MNAT1: variants seen among roughly 807,000 people sequenced by gnomAD.
The protein encoded by MNAT1 is MNAT1 component of CDK activating kinase, also known as CDK-activating kinase assembly factor MAT1.
MNAT1 carries 43 observed loss-of-function variants against 42.0 expected under a neutral mutation model. That is an observed-to-expected ratio of 1.02 (90% CI 0.80 to 1.32). The LOEUF is 1.32. Ranked by LOEUF, MNAT1 falls within the 40% of genes most tolerant of loss-of-function variation. The pLI is 0.00. For synonymous variants in MNAT1, 118 were observed against 120.0 expected (o/e 0.98, Z 0.11); for missense variants, 306 against 350.4 (o/e 0.87, Z 1.01).
rs925999219 is a variant in MNAT1 at position 60,860,445 on chromosome 14, C to T, written c.688-19269C>T. Among the ~76,000 whole-genome samples, 3 of 151,100 alleles carry T rather than the reference C, an allele frequency of 2.0e-5. No homozygotes were observed. The South Asian group carries it at 6.3e-4, about 32-fold the overall frequency. ...TCTGCTCACTGCAAGCTCCCCATCC[C>T]AGGTTCACGCCATTCTCTTGTCTCA... On this transcript the variant is annotated intron_variant, in intron 6 of 7. Coordinates refer to ENST00000261245, the MANE Select transcript of MNAT1 (RefSeq NM_002431.4).
At chr14:60,752,479 A>G (rs7143411) in intron 1 of MNAT1, among the ~76,000 whole-genome samples, 2,339 of 152,348 alleles carry the variant, frequency 0.015, 46 homozygotes, top group African/African-American at 0.048. Context: ...AAAATTATAC[A>G]TAATACTTTC....
intron 7 of MNAT1, among the ~76,000 whole-genome samples, chr14:60,883,474 C>T (rs2034594774): frequency 6.6e-6 from 1 of 152,012 alleles, no homozygotes; most frequent in Non-Finnish European, 1.5e-5. Flanking sequence ...ATTTTAGTTA[C>T]TATAGCTCTG....
In MNAT1 at chr14:60,824,353, G is replaced by C. The variant is rs2032991202; in HGVS notation, c.687+5506G>C. Among the ~76,000 whole-genome samples the C allele has an allele frequency of 2.0e-5, 3 of 152,036 alleles. No homozygotes were observed. The South Asian group carries it at 6.2e-4, about 32-fold the overall frequency. ...TTGTCATATGTGTACTAGCTATTAG[G>C]TTATAAACATCTTGAGGGCAGAGGC... On this transcript the variant is annotated intron_variant, in intron 6 of 7. Coordinates refer to ENST00000261245, the MANE Select transcript of MNAT1 (RefSeq NM_002431.4).
chr14:60,835,416 G>C (rs1480667140), intron 6 of MNAT1, among the ~76,000 whole-genome samples: 1 of 152,140 alleles, frequency 6.6e-6, no homozygotes, highest in African/African-American at 2.4e-5. Flanking sequence ...TCCTTCAGGA[G>C]CTCTTGTAAG....
chr14:60,746,897 C>CATATATGTATATATATATATAT (rs1491444247), intron 1 of MNAT1, among the ~76,000 whole-genome samples: 1 of 21,966 alleles, frequency 4.6e-5, no homozygotes, highest in African/African-American at 3.2e-4. Context: ...AGATTCATTT[C>CATATATGTATATATATATATAT]ATATATATAT....
At chr14:60,859,988 T>C (rs1281895091) in intron 6 of MNAT1, among the ~76,000 whole-genome samples, 1 of 152,238 alleles carries the variant, frequency 6.6e-6, no homozygotes, top group Non-Finnish European at 1.5e-5. Flanking sequence ...TAGGCTTAAC[T>C]TTAAGAAAGA....
intron 7 of MNAT1, among the ~76,000 whole-genome samples, chr14:60,900,999 G>A (rs576670454): frequency 1.8e-3 from 185 of 100,310 alleles, no homozygotes; most frequent in African/African-American, 6.3e-3. Flanking sequence ...ATGTGATACA[G>A]TGAGAGCCTG....
At chr14:60,923,839 G>T (rs1323914754) in intron 7 of MNAT1, among the ~76,000 whole-genome samples, 2 of 152,144 alleles carry the variant, frequency 1.3e-5, no homozygotes, top group Admixed American at 6.5e-5. Context: ...AATTAGCCAG[G>T]TGTGGTGGTG....
chr14:60,813,753 T>C (rs959355744), intron 5 of MNAT1, among the ~76,000 whole-genome samples: 3 of 152,214 alleles, frequency 2.0e-5, no homozygotes, highest in Non-Finnish European at 2.9e-5. Context: ...ATAAGAATTA[T>C]GAAAATGACT....
At chr14:60,814,822 G>A (rs1048695399) in intron 5 of MNAT1, among the ~76,000 whole-genome samples, 6 of 152,150 alleles carry the variant, frequency 3.9e-5, no homozygotes, top group Admixed American at 1.3e-4. Context: ...GCCTTCCCTA[G>A]CAACTTTCAT....
intron 6 of MNAT1, among the ~76,000 whole-genome samples, chr14:60,831,530 G>A (rs1440106928): frequency 3.9e-5 from 6 of 152,150 alleles, no homozygotes; most frequent in Admixed American, 1.3e-4. Context: ...TGGCTACATA[G>A]TATTCCATGG....
chr14:60,919,006 G>T (rs1223247401), intron 7 of MNAT1, among the ~76,000 whole-genome samples: 1 of 152,066 alleles, frequency 6.6e-6, no homozygotes, highest in Non-Finnish European at 1.5e-5. Flanking sequence ...AGAAGGCAGA[G>T]AGATGGTGCT....
chr14:60,879,835 G>A lies in MNAT1; in HGVS notation c.809G>A (p.Gly270Glu), dbSNP rs2034513692. Residue 270 changes from glycine to glutamate, a missense_variant and splice_region_variant, in exon 7 of 8, where the codon GGG (glycine) becomes GAG (glutamate). Coordinates refer to ENST00000261245, the MANE Select transcript of MNAT1 (RefSeq NM_002431.4). ...VPELEMLGRLGYLNHVRAASP... is the reference protein window; with the variant it reads ...VPELEMLGRLEYLNHVRAASP... Reference sequence around the variant, plus strand: ...GAGCTTGAGATGCTAGGAAGACTTGGGTATGTGTCCTAAAGAACTTTACAT... The same window carrying A: ...GAGCTTGAGATGCTAGGAAGACTTGAGTATGTGTCCTAAAGAACTTTACAT... The A allele has an allele frequency of 9.9e-6, 16 of 1,611,558 alleles. No individual in the cohort carries two copies. Among genetic ancestry groups the A allele is most frequent in the East Asian group, 2.2e-5 (1 of 44,768 alleles).
In MNAT1 at chr14:60,968,512, T is replaced by C; in HGVS notation, c.*163T>C. 5 of 1,474,988 alleles carry C rather than the reference T, an allele frequency of 3.4e-6. No individual in the cohort carries two copies. Among genetic ancestry groups the C allele is most frequent in the South Asian group, 2.5e-5 (2 of 78,898 alleles). 91.4% of individuals were successfully genotyped at this position (1,474,988 alleles called of 1,614,324 possible). On this transcript the variant is annotated 3_prime_UTR_variant, in exon 8 of 8. Transcript: ENST00000261245. ...AATTTCAGAACTAAGTTGAGTAATA[T>C]AGGGGATATATATTTGTGAAAAATA...
chr14:60,780,654 G>A, intron 1 of MNAT1: 5 of 1,000,300 alleles, frequency 5.0e-6, no homozygotes, highest in Non-Finnish European at 7.5e-6. Context: ...CTGAAATCAA[G>A]TCATCTATAG....
intron 1 of MNAT1, among the ~76,000 whole-genome samples, chr14:60,795,182 A>T (rs550926229): frequency 2.0e-5 from 3 of 152,196 alleles, no homozygotes; most frequent in Non-Finnish European, 2.9e-5. Flanking sequence ...AAATCAAGCC[A>T]CATCCTTGGC....
intron 6 of MNAT1, among the ~76,000 whole-genome samples, chr14:60,821,818 A>G (rs1334656421): frequency 2.0e-5 from 3 of 152,174 alleles, no homozygotes; most frequent in Non-Finnish European, 2.9e-5. Flanking sequence ...TGTGGGGACT[A>G]AATATTGTAC....
At chr14:60,841,291 G>C (rs562095407) in intron 6 of MNAT1, among the ~76,000 whole-genome samples, 2 of 151,482 alleles carry the variant, frequency 1.3e-5, no homozygotes, top group African/African-American at 4.9e-5. Flanking sequence ...TGTACTTTAG[G>C]TGGCTGCTAT....
intron 1 of MNAT1, among the ~76,000 whole-genome samples, chr14:60,793,732 T>G (rs1368139520): frequency 6.6e-6 from 1 of 152,110 alleles, no homozygotes; most frequent in Non-Finnish European, 1.5e-5. Context: ...TAGAAAAAGA[T>G]GTGGCCACAC....
Sources: gnomAD v4.1 joint callset for allele counts (sites outside exome capture counted in the v4.1 genomes callset) on GRCh38, gnomAD v4.1.1 for gene constraint, MANE v1.5 for transcripts, NCBI Gene and HGNC (gene_info 2026-07-23, HGNC 2026-07-21) for gene names.